The following UMAD1 variants were observed in gnomAD, a reference collection of about 807,000 sequenced individuals.
The protein encoded by UMAD1 is UBAP1-MVB12-associated (UMA) domain containing 1, also known as UBAP1-MVB12-associated (UMA)-domain containing protein 1.
Under a neutral mutation model 6.1 loss-of-function variants are expected in UMAD1, and 8 were observed. The ratio of observed to expected loss-of-function variants is 1.30; its 90% CI spans 0.76 to 2.35. The LOEUF (loss-of-function observed/expected upper bound fraction) is 2.35, where lower values mean the gene tolerates loss of function less well. Ranked by LOEUF, UMAD1 falls within the 30% of genes most tolerant of loss-of-function variation. UMAD1 has a pLI of 0.00. For synonymous variants in UMAD1, 56 were observed against 31.4 expected, an observed-to-expected ratio of 1.78 and a Z score of -2.61; for missense variants, 130 against 78.4, an observed-to-expected ratio of 1.66 and a Z score of -2.49.
At chr7:7,750,948 C>T (rs1260567220) in intron 2 of UMAD1, among the ~76,000 whole-genome samples, 2 of 151,990 alleles carry the variant, frequency 1.3e-5, no homozygotes, top group African/African-American at 2.4e-5. Flanking sequence ...AAGTAATGAC[C>T]CCCATAATAC....
At position 7,817,344 on chromosome 7, in the gene UMAD1, A is replaced by G. The variant is rs142369029; in HGVS notation, c.156+15601A>G. 2.4e-3 allele frequency among the ~76,000 whole-genome samples: 366 copies of G among 152,348 alleles called. 1 individual carries two copies. Among genetic ancestry groups the G allele is most frequent in the Non-Finnish European group, 3.9e-3 (262 of 68,034 alleles). ...GTGGCATGCATCAGCCACTCAATAAATATTTAATGTTTGATGTGTGCAGGA... is the reference window on the plus strand; with the variant it reads ...GTGGCATGCATCAGCCACTCAATAAGTATTTAATGTTTGATGTGTGCAGGA... On this transcript the variant is annotated intron_variant, in intron 3 of 3. Coordinates refer to ENST00000682710, the MANE Select transcript of UMAD1 (RefSeq NM_001302348.2).
At chr7:7,802,803 A>G (rs866128916) in intron 3 of UMAD1, among the ~76,000 whole-genome samples, 2 of 152,244 alleles carry the variant, frequency 1.3e-5, no homozygotes, top group African/African-American at 4.8e-5. Flanking sequence ...AGTTGAAAAG[A>G]TTTGTTAAAT....
intron 2 of UMAD1, among the ~76,000 whole-genome samples, chr7:7,758,863 C>G (rs192808543): frequency 2.6e-5 from 4 of 152,310 alleles, no homozygotes; most frequent in African/African-American, 9.6e-5. Context: ...TCTCCCCACC[C>G]TGTTAGAGAC....
intron 2 of UMAD1, chr7:7,739,052 T>G (rs1322030133): frequency 6.6e-6 from 1 of 152,230 alleles, no homozygotes; most frequent in Non-Finnish European, 1.5e-5. Context: ...AGCACCATTA[T>G]TCAGGCACAA....
chr7:7,645,979 C>T (rs547831586), intron 1 of UMAD1, among the ~76,000 whole-genome samples: 31 of 152,182 alleles, frequency 2.0e-4, no homozygotes, highest in East Asian at 3.9e-4. Context: ...GCTCGGCTGC[C>T]GTGTACTCAA....
At chr7:7,849,751 T>C (rs1783877791) in intron 3 of UMAD1, among the ~76,000 whole-genome samples, 2 of 152,030 alleles carry the variant, frequency 1.3e-5, no homozygotes, top group South Asian at 4.1e-4. Flanking sequence ...CAGACCATGG[T>C]AAGTACAGCA....
At chr7:7,709,805 C>T (rs1356797703) in intron 2 of UMAD1, among the ~76,000 whole-genome samples, 1 of 151,502 alleles carries the variant, frequency 6.6e-6, no homozygotes, top group South Asian at 2.1e-4. Context: ...ATAATGAGAA[C>T]ATATTCAGAA....
intron 2 of UMAD1, among the ~76,000 whole-genome samples, chr7:7,703,629 A>C (rs1780522545): frequency 6.6e-6 from 1 of 152,206 alleles, no homozygotes; most frequent in Non-Finnish European, 1.5e-5. Flanking sequence ...GTTCAGGGCC[A>C]AAGTTCAGTT....
At chr7:7,725,766 C>G (rs1031534055) in intron 2 of UMAD1, among the ~76,000 whole-genome samples, 1 of 152,228 alleles carries the variant, frequency 6.6e-6, no homozygotes, top group African/African-American at 2.4e-5. Flanking sequence ...ATGGTCTCCA[C>G]TCCTGCCACC....
At chr7:7,741,205 T>C (rs1309498360) in intron 2 of UMAD1, 1 of 152,158 alleles carries the variant, frequency 6.6e-6, no homozygotes, top group Non-Finnish European at 1.5e-5. Flanking sequence ...CTTTATAAAG[T>C]TTCTCTAGGT....
At chr7:7,758,283 C>A (rs554007303) in intron 2 of UMAD1, among the ~76,000 whole-genome samples, 15 of 152,026 alleles carry the variant, frequency 9.9e-5, no homozygotes, top group African/African-American at 3.6e-4. Context: ...CTTTTTCTCA[C>A]GTAGCCTATC....
At chr7:7,673,168 A>G (rs1405630398) in intron 1 of UMAD1, 141 bp from the exon 2 acceptor site, 1 of 681,534 alleles carries the variant, frequency 1.5e-6, no homozygotes, top group Non-Finnish European at 2.6e-6. Flanking sequence ...TGACATCTAG[A>G]GAAGGCTCAT....
At chr7:7,681,905 G>C (rs959602502) in intron 2 of UMAD1, among the ~76,000 whole-genome samples, 5 of 151,966 alleles carry the variant, frequency 3.3e-5, no homozygotes. Flanking sequence ...CCAAAACTAA[G>C]ACAAAAGCAT....
chr7:7,851,446 T>G (rs750662895), intron 3 of UMAD1, among the ~76,000 whole-genome samples: 1 of 152,226 alleles, frequency 6.6e-6, no homozygotes, highest in Non-Finnish European at 1.5e-5. Flanking sequence ...CTGGGTCTTA[T>G]GTAACTCTGT....
At chr7:7,875,205 A>C (rs1784395047) in intron 3 of UMAD1, among the ~76,000 whole-genome samples, 1 of 152,200 alleles carries the variant, frequency 6.6e-6, no homozygotes, top group Non-Finnish European at 1.5e-5. Flanking sequence ...GTAGAGGGAA[A>C]TTTATAGCAC....
At chr7:7,689,873 G>T (rs1213115882) in intron 2 of UMAD1, among the ~76,000 whole-genome samples, 2 of 152,170 alleles carry the variant, frequency 1.3e-5, no homozygotes, top group African/African-American at 4.8e-5. Flanking sequence ...CTACAAAGCA[G>T]CTAGTGATTA....
intron 3 of UMAD1, among the ~76,000 whole-genome samples, chr7:7,870,745 G>A (rs1784317641): frequency 6.6e-6 from 1 of 152,134 alleles, no homozygotes; most frequent in South Asian, 2.1e-4. Flanking sequence ...CTCTCAGCAT[G>A]CCAACAGCAG....
intron 3 of UMAD1, among the ~76,000 whole-genome samples, chr7:7,843,838 A>C (rs1352486567): frequency 3.3e-5 from 5 of 152,170 alleles, no homozygotes. Flanking sequence ...AAGTAATGTC[A>C]GTTCTGTAAT....
intron 2 of UMAD1, among the ~76,000 whole-genome samples, chr7:7,740,517 A>T (rs1260712439): frequency 6.6e-6 from 1 of 152,214 alleles, no homozygotes; most frequent in African/African-American, 2.4e-5. Context: ...GCCCTAAATT[A>T]TTTCAAGTAT....
Sources: gnomAD v4.1 joint callset for allele counts (sites outside exome capture counted in the v4.1 genomes callset) on GRCh38, gnomAD v4.1.1 for gene constraint, MANE v1.5 for transcripts, NCBI Gene and HGNC (gene_info 2026-07-23, HGNC 2026-07-21) for gene names.